Variants in ARID3A observed in about 807,000 individuals in gnomAD.
ARID3A encodes AT-rich interactive domain-containing protein 3A.
In ARID3A, 11 loss-of-function variants were observed where a neutral mutation model predicts 52.7. The observed-to-expected ratio is 0.21, with a 90% confidence interval of 0.13 to 0.35. The LOEUF (loss-of-function observed/expected upper bound fraction) is 0.35. ARID3A is among the 10% of genes least tolerant of loss of function. The pLI, the probability that ARID3A is intolerant of heterozygous loss-of-function variation, is 1.00. For missense variants in ARID3A, 721 were observed against 838.5 expected, an observed-to-expected ratio of 0.86 and a Z score of 1.73; for synonymous variants, 404 against 359.4, an observed-to-expected ratio of 1.12 and a Z score of -1.40.
chr19:965,093 A>G lies in ARID3A; in HGVS notation c.1198+13A>G. On this transcript the variant is annotated intron_variant, in intron 6 of 8. Coordinates refer to ENST00000263620, the MANE Select transcript of ARID3A (RefSeq NM_005224.3). ...AAGATCAAGAAAGGTAAGGGCCTGT[A>G]TGGGGCCTGGGGCGTGTTCCCAACT... The G allele has an allele frequency of 6.3e-7, 1 of 1,597,134 alleles. No homozygotes were observed. The highest frequency in any genetic ancestry group is 8.5e-7 in the Non-Finnish European group (1 of 1,171,180).
chr19:966,615 T>C lies in ARID3A; in HGVS notation c.1242T>C (p.Pro414=). 6.3e-7 allele frequency: 1 copy of C among 1,591,370 alleles called. No individual in the cohort carries two copies. Among genetic ancestry groups the C allele is most frequent in the South Asian group, 1.1e-5 (1 of 90,022 alleles). ...CCATCACAGTCCCTGGCCGCCTGCC[T>C]GTGTCCCTGGCGGGCCACCCTGTGG... is the stretch of plus-strand genomic sequence containing the variant. ...AIPITVPGRL[P]VSLAGHPVVA... is the part of the protein sequence containing the mutation. The change falls in exon 7 of 9, where the codon CCT becomes CCC. Residue 414 remains proline, a synonymous_variant. Coordinates refer to ENST00000263620, the MANE Select transcript of ARID3A (RefSeq NM_005224.3).
chr19:954,274 G>A (rs913304795), intron 3 of ARID3A, among the ~76,000 whole-genome samples: 7 of 152,190 alleles, frequency 4.6e-5, no homozygotes, highest in Non-Finnish European at 8.8e-5. Flanking sequence ...TCTGTGCCTC[G>A]GTTTCCCCTT....
chr19:929,706 G>T lies in ARID3A; in HGVS notation c.178G>T (p.Ala60Ser). 1.3e-6 allele frequency: 2 copies of T among 1,564,734 alleles called. No homozygotes were observed. Among genetic ancestry groups the T allele is most frequent in the Non-Finnish European group, 1.7e-6 (2 of 1,163,548 alleles). ...ESARMQRAQM[A>S]ALAAMRAAAA... ...TGCCCGGATGCAGCGGGCTCAGATGGCCGCACTGGCAGCCATGCGGGCTGC... is the reference window on the plus strand; with the variant it reads ...TGCCCGGATGCAGCGGGCTCAGATGTCCGCACTGGCAGCCATGCGGGCTGC... Residue 60 changes from alanine to serine, a missense_variant, in exon 2 of 9, where the codon GCC (alanine) becomes TCC (serine). By Grantham distance (99) the Ala-to-Ser change is moderately conservative (BLOSUM62 1). This residue lies in a region of ARID3A where 349 missense variants were observed against 297.3 expected (regional missense o/e 1.17). Coordinates refer to ENST00000263620, the MANE Select transcript of ARID3A (RefSeq NM_005224.3). This position sits in a 1 kb window ranked among gnomAD's most constrained non-coding sequence, Gnocchi z 6.2.
At chr19:932,242 G>T (rs973608928) in intron 2 of ARID3A, among the ~76,000 whole-genome samples, 176 bp from the exon 3 acceptor site, 4 of 152,184 alleles carry the variant, frequency 2.6e-5, no homozygotes, top group Admixed American at 2.0e-4. Flanking sequence ...AAACAAAGTG[G>T]GCGTCACGGG....
chr19:967,120 G>A (rs111403997), intron 7 of ARID3A, among the ~76,000 whole-genome samples: 13,673 of 152,114 alleles, frequency 0.09, 713 homozygotes, highest in South Asian at 0.27. Context: ...TTAGCCGGGC[G>A]TGGCAGCGCA....
At chr19:965,734 G>A (rs1375525072) in intron 6 of ARID3A, among the ~76,000 whole-genome samples, 1 of 152,014 alleles carries the variant, frequency 6.6e-6, no homozygotes, top group African/African-American at 2.4e-5. Context: ...GCTCACGCCT[G>A]TAGTCCCAGC....
rs10637085 is a variant in ARID3A at position 972,222 on chromosome 19, GATATATATAT to G, written c.*173_*182del. ...CTGACGCCAAAAAGAAAAGAAAAAAGATATATATATATATATATATATATACACGTATATA... is the reference window on the plus strand; with the variant it reads ...CTGACGCCAAAAAGAAAAGAAAAAAGATATATATATATATACACGTATATA... On this transcript the variant is annotated 3_prime_UTR_variant, in exon 9 of 9. Transcript: ENST00000263620. 4.5e-6 allele frequency: 1 copy of G among 221,616 alleles called. No individual in the cohort carries two copies. Among genetic ancestry groups the G allele is most frequent in the Admixed American group, 6.4e-5 (1 of 15,586 alleles). The allele number at this position is 221,616 out of a possible 1,614,324, so 13.7% of individuals were successfully genotyped here.
At position 929,724 on chromosome 19, in the gene ARID3A, C is replaced by T. The variant is rs747883380; in HGVS notation, c.196C>T (p.Arg66Trp). The T allele has an allele frequency of 7.7e-6, 12 of 1,560,464 alleles. No individual in the cohort carries two copies. The highest frequency in any genetic ancestry group is 8.6e-6 in the Non-Finnish European group (10 of 1,161,118). ...RAQMAALAAM[R>W]AAAAGLGHPA... Reference sequence around the variant, plus strand: ...TCAGATGGCCGCACTGGCAGCCATGCGGGCTGCAGCTGCGGGCCTGGGACA... The same window carrying T: ...TCAGATGGCCGCACTGGCAGCCATGTGGGCTGCAGCTGCGGGCCTGGGACA... Residue 66 changes from arginine to tryptophan, a missense_variant, in exon 2 of 9, where the codon CGG (arginine) becomes TGG (tryptophan). Arg to Trp is a moderately radical substitution (Grantham distance 101). This residue lies in a region of ARID3A where 349 missense variants were observed against 297.3 expected (regional missense o/e 1.17). Transcript: ENST00000263620. The surrounding 1 kb of genome is among the most constrained non-coding windows in gnomAD (Gnocchi z 6.2).
rs1304492542 is a variant in ARID3A at position 966,868 on chromosome 19, G to C, written c.1495G>C (p.Ala499Pro). 6.2e-7 allele frequency: 1 copy of C among 1,602,760 alleles called. No homozygotes were observed. The highest frequency in any genetic ancestry group is 8.5e-7 in the Non-Finnish European group (1 of 1,171,960). Residue 499 changes from alanine to proline, a missense_variant and splice_region_variant, in exon 7 of 9, where the codon GCC becomes CCC. Transcript: ENST00000263620. ...LPMSIRINSQ[A>P]SESRQDSAVN... is the part of the protein sequence containing the mutation. ...CATGAGCATTCGGATCAACAGCCAA[G>C]GTACTGCCCTCGTGCCCAGACCCGC...
intron 3 of ARID3A, among the ~76,000 whole-genome samples, chr19:939,142 C>T (rs571940199): frequency 1.1e-4 from 17 of 150,126 alleles, no homozygotes; most frequent in South Asian, 2.1e-4. Context: ...TTATTTTAGA[C>T]GGAGTCTTGC....
chr19:926,883 TCC>T (rs150653564), intron 1 of ARID3A, among the ~76,000 whole-genome samples: 4 of 150,452 alleles, frequency 2.7e-5, no homozygotes, highest in African/African-American at 9.8e-5. Context: ...CTGGAGGGGT[TCC>T]CCCCCCCATG....
chr19:961,337 C>T (rs1318948235), intron 4 of ARID3A, among the ~76,000 whole-genome samples: 2 of 152,254 alleles, frequency 1.3e-5, no homozygotes, highest in Admixed American at 6.5e-5. Context: ...CTGGCCCACA[C>T]TGCCCAGCGG....
chr19:939,623 G>C (rs1157345329), intron 3 of ARID3A, among the ~76,000 whole-genome samples: 1 of 152,060 alleles, frequency 6.6e-6, no homozygotes, highest in African/African-American at 2.4e-5. Flanking sequence ...AGGTCGGGAG[G>C]TTCCTCCCGC....
rs543171398 is a variant in ARID3A at position 975,159 on chromosome 19, C to T, written c.*3094C>T. On this transcript the variant is annotated 3_prime_UTR_variant, in exon 9 of 9. Coordinates refer to ENST00000263620, the MANE Select transcript of ARID3A (RefSeq NM_005224.3). ...CCCCTTATGCAGACTGGGAGGGGGTCGGGCAGTCCCCTCAGCCACGAGGAC... is the reference window on the plus strand; with the variant it reads ...CCCCTTATGCAGACTGGGAGGGGGTTGGGCAGTCCCCTCAGCCACGAGGAC... 12 of 231,392 alleles carry T rather than the reference C, an allele frequency of 5.2e-5. No individual in the cohort carries two copies. The highest frequency in any genetic ancestry group is 1.8e-4 in the African/African-American group (8 of 45,292). 14.3% of individuals were successfully genotyped at this position (231,392 alleles called of 1,614,324 possible).
rs979235900 is a variant in ARID3A, at chr19:944,205, C to G, written c.693+11463C>G. Among the ~76,000 whole-genome samples the G allele has an allele frequency of 9.2e-5, 14 of 151,990 alleles. No individual in the cohort carries two copies. The highest frequency in any genetic ancestry group is 2.0e-4 in the Admixed American group (3 of 15,274). On this transcript the variant is annotated intron_variant, in intron 3 of 8. Coordinates refer to ENST00000263620, the MANE Select transcript of ARID3A (RefSeq NM_005224.3). The surrounding 1 kb of genome is among the most constrained non-coding windows in gnomAD (Gnocchi z 5.9). ...GACACAGCCGTGCATGAAGCAGAAG[C>G]TCCTGCCGCCGGCACTGGAGTCCTG...
rs533592758 is a variant in ARID3A, at chr19:929,660, C to T, written c.132C>T (p.Asp44=). 5.3e-5 allele frequency: 82 copies of T among 1,546,862 alleles called. No individual in the cohort carries two copies. Among genetic ancestry groups the T allele is most frequent in the South Asian group, 2.1e-4 (18 of 84,980 alleles). ...CCGGCCGGGCCCGGGCTGCCCCCGACGAGGACAGAGAGCCCGAGAGTGCCC... is the reference window on the plus strand; with the variant it reads ...CCGGCCGGGCCCGGGCTGCCCCCGATGAGGACAGAGAGCCCGAGAGTGCCC... ...APPGRARAAP[D]EDREPESARM... The change falls in exon 2 of 9, where the codon GAC becomes GAT. Residue 44 remains aspartate, a synonymous_variant. Transcript: ENST00000263620. This position sits in a 1 kb window ranked among gnomAD's most constrained non-coding sequence, Gnocchi z 6.2.
At chr19:950,413 T>C (rs79695984) in intron 3 of ARID3A, among the ~76,000 whole-genome samples, 3 of 151,106 alleles carry the variant, frequency 2.0e-5, no homozygotes, top group African/African-American at 7.3e-5. Context: ...CCAGAGTGAA[T>C]GGATGAGCAC....
chr19:957,379 G>A (rs1429912355), intron 3 of ARID3A, among the ~76,000 whole-genome samples: 2 of 152,202 alleles, frequency 1.3e-5, no homozygotes, highest in African/African-American at 2.4e-5. Flanking sequence ...CTCTGGTCCC[G>A]CACTCGCCGC....
rs1333108872 is a variant in ARID3A, at chr19:974,029, A to C, written c.*1964A>C. On this transcript the variant is annotated 3_prime_UTR_variant, in exon 9 of 9. Transcript: ENST00000263620. ...ATTCCCAGGGTAAGCCTGGGTCTCT[A>C]ATTGGGCCCTGGGAGCCCTGTTAGG... The C allele has an allele frequency of 4.4e-6, 1 of 226,720 alleles. No individual in the cohort carries two copies. Among genetic ancestry groups the C allele is most frequent in the Admixed American group, 5.7e-5 (1 of 17,562 alleles). 14.0% of individuals were successfully genotyped at this position (226,720 alleles called of 1,614,324 possible). A position where few individuals can be genotyped will look rare whatever the true frequency, so the allele number is the denominator to read the frequency against.
Sources: allele counts gnomAD v4.1 joint callset (sites outside exome capture counted in the v4.1 genomes callset), GRCh38; gene constraint gnomAD v4.1.1; regional missense constraint gnomAD v4.1.1; non-coding constraint Gnocchi (gnomAD v3.1); transcripts MANE v1.5; gene names NCBI Gene and HGNC (gene_info 2026-07-23, HGNC 2026-07-21).